Variants in RNF32 observed in about 807,000 individuals in gnomAD.
RNF32 encodes ring finger protein 32.
A neutral mutation model predicts 41.0 loss-of-function variants in RNF32; 36 were observed. The observed-to-expected ratio is 0.88, with a 90% confidence interval of 0.67 to 1.16. RNF32 has a LOEUF of 1.16. Among genes scored for constraint, RNF32 ranks in the 50% most tolerant of loss-of-function variants. RNF32 has a pLI of 0.00. For synonymous variants in RNF32, 154 were observed against 160.9 expected (o/e 0.96, Z 0.32); for missense variants, 413 against 436.7 (o/e 0.95, Z 0.48).
At chr7:156,663,635 AT>A (rs1800950138) in intron 7 of RNF32, among the ~76,000 whole-genome samples, 1 of 152,320 alleles carries the variant, frequency 6.6e-6, no homozygotes, top group South Asian at 2.1e-4. Flanking sequence ...AGAGCTAATA[AT>A]TTTTTTAAAA....
chr7:156,662,244 C>CTTT (rs1563086973), intron 7 of RNF32, among the ~76,000 whole-genome samples: 1 of 152,162 alleles, frequency 6.6e-6, no homozygotes, highest in African/African-American at 2.4e-5. Flanking sequence ...CCATTTGATG[C>CTTT]TTTTTTTCTA....
intron 7 of RNF32, among the ~76,000 whole-genome samples, chr7:156,666,228 C>T (rs1157564460): frequency 6.6e-6 from 1 of 152,174 alleles, no homozygotes; most frequent in African/African-American, 2.4e-5. Context: ...ATGAGATTAG[C>T]CCAAGCCATT....
intron 7 of RNF32, among the ~76,000 whole-genome samples, chr7:156,674,076 T>C (rs1249710743): frequency 6.6e-6 from 1 of 152,202 alleles, no homozygotes; most frequent in African/African-American, 2.4e-5. Flanking sequence ...TCAAGCCGGA[T>C]TCCATGAAGC....
intron 7 of RNF32, among the ~76,000 whole-genome samples, chr7:156,661,541 G>T (rs1800673459): frequency 6.6e-6 from 1 of 152,136 alleles, no homozygotes; most frequent in Admixed American, 6.5e-5. Flanking sequence ...GGCAGGTCCT[G>T]AACTCCCAGC....
rs1167411829 is a variant in RNF32 at position 156,659,750 on chromosome 7, T to A, written c.684+1180T>A. On this transcript the variant is annotated intron_variant, in intron 7 of 8. Coordinates refer to ENST00000317955, the MANE Select transcript of RNF32 (RefSeq NM_030936.4). ...ACTGGCCCAGGTTGCTGGAAACAAGTGAAGCAACCATTACAATGTGCCTTG... is the reference window on the plus strand; with the variant it reads ...ACTGGCCCAGGTTGCTGGAAACAAGAGAAGCAACCATTACAATGTGCCTTG... The A allele has an allele frequency of 4.3e-6, 3 of 693,148 alleles. No homozygotes were observed. In the African/African-American group the frequency reaches 5.8e-5, roughly 13 times the overall value. The allele number at this position is 693,148 out of a possible 1,614,324, so 42.9% of individuals were successfully genotyped here. A position where few individuals can be genotyped will look rare whatever the true frequency, so the allele number is the denominator to read the frequency against.
chr7:156,655,014 G>A (rs2108794), intron 4 of RNF32: 25,001 of 218,154 alleles, frequency 0.11, 1,773 homozygotes, highest in East Asian at 0.18. Context: ...GGCTTCCCAG[G>A]AGCAGCTGTG....
intron 8 of RNF32, chr7:156,676,199 A>G: frequency 7.0e-7 from 1 of 1,424,576 alleles, no homozygotes; most frequent in Non-Finnish European, 9.4e-7. Flanking sequence ...CAGGTGGGTT[A>G]CTAACCCTTT....
intron 8 of RNF32, chr7:156,676,135 C>G (rs1008555602): frequency 5.2e-6 from 5 of 957,024 alleles, no homozygotes; most frequent in Non-Finnish European, 6.0e-6. Flanking sequence ...AGGGTGACGG[C>G]AAAGGTCCCT....
upstream of RNF32, chr7:156,640,327 G>A (rs1187656655): frequency 4.4e-6 from 2 of 451,080 alleles, no homozygotes; most frequent in Admixed American, 2.4e-5. Flanking sequence ...CCGGGGCCCA[G>A]GCCCAGGTGG....
intron 3 of RNF32, among the ~76,000 whole-genome samples, chr7:156,651,283 G>A (rs1393677792): frequency 6.7e-6 from 1 of 148,426 alleles, no homozygotes; most frequent in African/African-American, 2.5e-5. Flanking sequence ...GCACAATCTC[G>A]GCTCACTGCA....
rs376531522 is a variant in RNF32, at chr7:156,658,479, G to A, written c.593G>A (p.Arg198Lys). The change falls in exon 7 of 9, where the codon AGA becomes AAA. Residue 198 changes from arginine (R) to lysine (K), a missense_variant. Coordinates refer to ENST00000317955, the MANE Select transcript of RNF32 (RefSeq NM_030936.4). ...KCVTRIQAYW[R>K]GCVVRKWYRN... ...TGTTTTAGAATCCAAGCCTACTGGA[G>A]AGGATGTGTTGTTAGAAAGTGGTAC... 2 of 1,612,868 alleles carry A rather than the reference G, an allele frequency of 1.2e-6. No homozygotes were observed. The highest frequency in any genetic ancestry group is 1.3e-5 in the African/African-American group (1 of 75,026).
At chr7:156,643,659 C>T (rs925051375) in intron 1 of RNF32, 142 bp from the exon 2 acceptor site, 1 of 576,396 alleles carries the variant, frequency 1.7e-6, no homozygotes, top group Non-Finnish European at 3.1e-6. Flanking sequence ...CCTCCAGAAC[C>T]AGAATGTGTA....
chr7:156,656,566 G>C (rs79358462), intron 4 of RNF32, among the ~76,000 whole-genome samples: 2,854 of 152,276 alleles, frequency 0.019, 90 homozygotes, highest in African/African-American at 0.066. Flanking sequence ...CTGAGTTCTA[G>C]TTATTTCTGT....
In RNF32 at chr7:156,675,870, T is replaced by A. The variant is rs749315027; in HGVS notation, c.852+7T>A. On this transcript the variant is annotated splice_region_variant and intron_variant, in intron 8 of 8. Coordinates refer to ENST00000317955, the MANE Select transcript of RNF32 (RefSeq NM_030936.4). ...GGAGAAAATCCAAGTGCAGGTAGGT[T>A]TGGCTGGCAGCCTGGCAACCAGCAG... 2.2e-5 allele frequency: 36 copies of A among 1,609,820 alleles called. No homozygotes were observed. The highest frequency in any genetic ancestry group is 2.8e-5 in the Non-Finnish European group (33 of 1,177,172).
At chr7:156,644,019 G>A (rs112053697) in intron 2 of RNF32, 127 bp downstream of exon 2, 2 of 800,410 alleles carry the variant, frequency 2.5e-6, no homozygotes. Flanking sequence ...GCAGGAATGG[G>A]CGATGCCAAG....
chr7:156,666,842 T>C (rs1347312800), intron 7 of RNF32, among the ~76,000 whole-genome samples: 1 of 152,202 alleles, frequency 6.6e-6, no homozygotes, highest in Non-Finnish European at 1.5e-5. Flanking sequence ...GCATATGTCA[T>C]ATGATTGAGG....
chr7:156,644,371 G>C (rs1216628445), intron 2 of RNF32, 128 bp from the exon 3 acceptor site: 2 of 722,396 alleles, frequency 2.8e-6, no homozygotes, highest in Non-Finnish European at 4.8e-6. Flanking sequence ...GTAACAATGA[G>C]TCAAGCATTC....
At chr7:156,653,014 T>A (rs1215845379) in intron 3 of RNF32, among the ~76,000 whole-genome samples, 1 of 152,232 alleles carries the variant, frequency 6.6e-6, no homozygotes, top group Non-Finnish European at 1.5e-5. Flanking sequence ...TTTATAAATT[T>A]AGTGTAGCGT....
At position 156,646,415 on chromosome 7, in the gene RNF32, C is replaced by G. The variant is rs756435783; in HGVS notation, c.274+1658C>G. 13 of 1,303,740 alleles carry G rather than the reference C, an allele frequency of 1.0e-5. No individual in the cohort carries two copies. In the South Asian group the frequency reaches 1.6e-4, roughly 16 times the overall value. 80.8% of individuals were successfully genotyped at this position (1,303,740 alleles called of 1,614,324 possible). A position where few individuals can be genotyped will look rare whatever the true frequency, so the allele number is the denominator to read the frequency against. On this transcript the variant is annotated intron_variant, in intron 3 of 8. Transcript: ENST00000317955. ...CTCTGACTTCACAAAACCTTCTTCT[C>G]TAGGTGTGATTGTACTCTCCCTTTC...
Sources: gnomAD v4.1 joint callset for allele counts (sites outside exome capture counted in the v4.1 genomes callset) on GRCh38, gnomAD v4.1.1 for gene constraint, MANE v1.5 for transcripts, NCBI Gene and HGNC (gene_info 2026-07-23, HGNC 2026-07-21) for gene names.